The following ALK variants were observed in gnomAD, a reference collection of about 807,000 sequenced individuals.
ALK encodes ALK tyrosine kinase receptor.
In ALK, 74 loss-of-function variants were observed where a neutral mutation model predicts 163.1. The ratio of observed to expected loss-of-function variants is 0.45; its 90% CI spans 0.38 to 0.55. The LOEUF (loss-of-function observed/expected upper bound fraction) is 0.55. Among genes scored for constraint, ALK ranks in the 20% least tolerant of loss-of-function variants. The pLI, the probability that ALK is intolerant of heterozygous loss-of-function variation, is 0.00. For missense variants in ALK, 2,063 were observed against 2,105.3 expected, an observed-to-expected ratio of 0.98 and a Z score of 0.39; for synonymous variants, 960 against 843.2, an observed-to-expected ratio of 1.14 and a Z score of -2.40.
chr2:29,574,694 C>G (rs1226989401), intron 3 of ALK, among the ~76,000 whole-genome samples: 1 of 152,228 alleles, frequency 6.6e-6, no homozygotes, highest in Admixed American at 6.5e-5. Flanking sequence ...TGCTTTGAGG[C>G]AGGGCCTCCT....
chr2:29,780,091 C>T (rs1249222029), intron 1 of ALK, among the ~76,000 whole-genome samples: 1 of 152,202 alleles, frequency 6.6e-6, no homozygotes, highest in Non-Finnish European at 1.5e-5. Flanking sequence ...TACAGGTGCT[C>T]TCAAAAACGC....
In ALK at chr2:29,542,568, G is replaced by C. The variant is rs529030736; in HGVS notation, c.953-10452C>G. 3.3e-5 allele frequency among the ~76,000 whole-genome samples: 5 copies of C among 152,270 alleles called. No individual in the cohort carries two copies. The South Asian group carries it at 1.0e-3, about 32-fold the overall frequency. On this transcript the variant is annotated intron_variant, in intron 3 of 28. Coordinates refer to ENST00000389048, the MANE Select transcript of ALK (RefSeq NM_004304.5). The stretch of plus-strand genomic sequence containing the variant: ...TTATGGTTTGCAGATTAGAAACTTT[G>C]CCTCAAAAATTTGAAGACCTAGTTT...
rs537594749 is a variant in ALK at position 29,759,678 on chromosome 2, T to C, written c.668-41981A>G. Among the ~76,000 whole-genome samples the C allele has an allele frequency of 5.3e-5, 8 of 152,342 alleles. No homozygotes were observed. The South Asian group carries it at 1.0e-3, about 20-fold the overall frequency. ...TCCATGATTTCTCTCTTTTTGTCTA[T>C]ATTCCAGTCCTTTGGGTTGCATGAT... is the stretch of plus-strand genomic sequence containing the variant. On this transcript the variant is annotated intron_variant, in intron 1 of 28. Transcript: ENST00000389048.
At chr2:29,504,207 G>C (rs1292881022) in intron 4 of ALK, among the ~76,000 whole-genome samples, 1 of 152,040 alleles carries the variant, frequency 6.6e-6, no homozygotes, top group Non-Finnish European at 1.5e-5. Flanking sequence ...AGGGAGCAGT[G>C]AGTACAAAGG....
At chr2:29,532,478 T>C (rs1673148351) in intron 3 of ALK, among the ~76,000 whole-genome samples, 1 of 152,236 alleles carries the variant, frequency 6.6e-6, no homozygotes, top group Non-Finnish European at 1.5e-5. Flanking sequence ...AGTTGAATGA[T>C]CTTTGGAAAA....
chr2:29,365,266 A>G (rs1482039569), intron 5 of ALK, among the ~76,000 whole-genome samples: 1 of 152,236 alleles, frequency 6.6e-6, no homozygotes, highest in African/African-American at 2.4e-5. Flanking sequence ...ATTTAAGGCC[A>G]GTTAGTGCCA....
intron 4 of ALK, among the ~76,000 whole-genome samples, chr2:29,527,941 G>T (rs561219174): frequency 2.0e-5 from 3 of 152,174 alleles, no homozygotes; most frequent in African/African-American, 7.2e-5. Flanking sequence ...CCGGGTCTAG[G>T]GGTTGAGGTC....
chr2:29,403,675 A>G (rs1271584982), intron 4 of ALK, among the ~76,000 whole-genome samples: 1 of 127,934 alleles, frequency 7.8e-6, no homozygotes, highest in Non-Finnish European at 1.6e-5. Context: ...CAGGAGTTTG[A>G]GACCACCCCA....
chr2:29,502,523 T>C lies in ALK; in HGVS notation c.1154+29392A>G, dbSNP rs188963271. ...AGAGGTTCTTGTTACTTCATAAATC[T>C]TGAGCTCCCCCAATGTAAATTGCCA... On this transcript the variant is annotated intron_variant, in intron 4 of 28. Coordinates refer to ENST00000389048, the MANE Select transcript of ALK (RefSeq NM_004304.5). Among the ~76,000 whole-genome samples the C allele has an allele frequency of 6.6e-5, 10 of 152,272 alleles. No individual in the cohort carries two copies. In the East Asian group the frequency reaches 1.9e-3, roughly 29 times the overall value.
chr2:29,389,464 A>G (rs80175752), intron 4 of ALK, among the ~76,000 whole-genome samples: 2,622 of 152,304 alleles, frequency 0.017, 69 homozygotes, highest in African/African-American at 0.059. Flanking sequence ...AGGTGGTCCA[A>G]TCTTGCAGGT....
In ALK at chr2:29,194,010, A is replaced by G. The variant is rs907442877; in HGVS notation, c.4165-88T>C. The G allele has an allele frequency of 3.9e-6, 5 of 1,281,284 alleles. No homozygotes were observed. The African/African-American group carries it at 4.9e-5, about 13-fold the overall frequency. 79.4% of individuals were successfully genotyped at this position (1,281,284 alleles called of 1,614,324 possible). Reference sequence around the variant, plus strand: ...ACCTTAGAGATGATGTTATCTAAACATATTCTACAGATGAGGAAACCAGGA... The same window carrying G: ...ACCTTAGAGATGATGTTATCTAAACGTATTCTACAGATGAGGAAACCAGGA... On this transcript the variant is annotated intron_variant, in intron 28 of 28. Transcript: ENST00000389048.
intron 1 of ALK, among the ~76,000 whole-genome samples, chr2:29,908,280 GCACACACACACACA>G (rs10607985): frequency 1.3e-5 from 2 of 148,470 alleles, no homozygotes; most frequent in South Asian, 4.3e-4. Context: ...ACTCTCCAGA[GCACACACACACACA>G]CACACACACA....
At chr2:29,589,920 C>G (rs943944611) in intron 3 of ALK, among the ~76,000 whole-genome samples, 10 of 152,236 alleles carry the variant, frequency 6.6e-5, no homozygotes, top group African/African-American at 1.9e-4. Context: ...GAAGTCCCCT[C>G]TAGCACGCTT....
At chr2:29,470,783 T>C (rs1397154338) in intron 4 of ALK, among the ~76,000 whole-genome samples, 2 of 151,868 alleles carry the variant, frequency 1.3e-5, no homozygotes, top group Admixed American at 6.6e-5. Flanking sequence ...GCAACAGTCA[T>C]AGAAGAAGGA....
At chr2:29,328,539 G>T in intron 5 of ALK, 58 bp from the exon 6 acceptor site, 3 of 1,612,280 alleles carry the variant, frequency 1.9e-6, no homozygotes, top group Non-Finnish European at 1.7e-6. Flanking sequence ...GGCAGCAGCT[G>T]GCCTGATGGG....
In ALK at chr2:29,434,864, A is replaced by T. The variant is rs535075609; in HGVS notation, c.1155-51005T>A. On this transcript the variant is annotated intron_variant, in intron 4 of 28. Transcript: ENST00000389048. ...GGTCCATGGGGAATCCATTTGCAAGAGAACAGTCAATTTTGGATCACAGAT... is the reference window on the plus strand; with the variant it reads ...GGTCCATGGGGAATCCATTTGCAAGTGAACAGTCAATTTTGGATCACAGAT... Among the ~76,000 whole-genome samples, 5 of 152,330 alleles carry T rather than the reference A, an allele frequency of 3.3e-5. No individual in the cohort carries two copies. The South Asian group carries it at 1.0e-3, about 32-fold the overall frequency.
At chr2:29,919,917 G>A in intron 1 of ALK, 76 bp downstream of exon 1, 4 of 1,542,094 alleles carry the variant, frequency 2.6e-6, no homozygotes, top group South Asian at 1.2e-5. Flanking sequence ...GGGTGGAAGT[G>A]AAGATTATTT....
intron 8 of ALK, among the ~76,000 whole-genome samples, chr2:29,302,454 G>T (rs1453439802): frequency 6.6e-6 from 1 of 152,186 alleles, no homozygotes; most frequent in Non-Finnish European, 1.5e-5. Flanking sequence ...GGAGGCGGAG[G>T]TTGCAGTGAG....
At chr2:29,267,112 C>T (rs1199897715) in intron 11 of ALK, among the ~76,000 whole-genome samples, 2 of 152,132 alleles carry the variant, frequency 1.3e-5, no homozygotes, top group Non-Finnish European at 2.9e-5. Flanking sequence ...CCACCCCACC[C>T]CCTCGTCCCC....
Sources: allele counts gnomAD v4.1 joint callset (sites outside exome capture counted in the v4.1 genomes callset), GRCh38; gene constraint gnomAD v4.1.1; transcripts MANE v1.5; gene names NCBI Gene and HGNC (gene_info 2026-07-23, HGNC 2026-07-21).